FLYWCH2: variants seen among roughly 807,000 people sequenced by gnomAD.
FLYWCH2 encodes the protein FLYWCH family member 2.
Under a neutral mutation model 6.0 loss-of-function variants are expected in FLYWCH2, and 2 were observed. The observed-to-expected ratio is 0.33, with a 90% CI of 0.14 to 1.04. FLYWCH2 has a LOEUF of 1.04. Among genes scored for constraint, FLYWCH2 ranks in the 50% least tolerant of loss-of-function variants. The probability of loss-of-function intolerance (pLI) is 0.45; values close to 1 mark genes in which losing one functional copy is unlikely to be tolerated. For synonymous variants in FLYWCH2, 87 were observed against 79.3 expected, an observed-to-expected ratio of 1.10 and a Z score of -0.52; for missense variants, 192 against 183.4, an observed-to-expected ratio of 1.05 and a Z score of -0.27.
intron 3 of FLYWCH2, 187 bp from the exon 4 acceptor site, chr16:2,898,862 T>G: frequency 2.1e-6 from 1 of 476,784 alleles, no homozygotes; most frequent in East Asian, 3.5e-5. Flanking sequence ...GCAGCTTTTG[T>G]GGCCCTGGCC....
At chr16:2,892,087 G>C (rs1403782789) in intron 1 of FLYWCH2, among the ~76,000 whole-genome samples, 2 of 151,952 alleles carry the variant, frequency 1.3e-5, no homozygotes, top group Non-Finnish European at 2.9e-5. Context: ...AGCTACTCGG[G>C]AGGCTGAGGC....
At position 2,899,268 on chromosome 16, in the gene FLYWCH2, C is replaced by CTTTTTT. The variant is rs76446842; in HGVS notation, c.*131_*136dup. 6 of 424,894 alleles carry CTTTTTT rather than the reference C, an allele frequency of 1.4e-5. No homozygotes were observed. Among genetic ancestry groups the CTTTTTT allele is most frequent in the African/African-American group, 2.3e-5 (1 of 44,150 alleles). The allele number at this position is 424,894 out of a possible 1,614,324, so 26.3% of individuals were successfully genotyped here. ...CTTTTAACATTGTGTGATTTCTTTT[C>CTTTTTT]TTTTTTTTTTTTTTTTTAGATCAAG... is the stretch of plus-strand genomic sequence containing the variant. On this transcript the variant is annotated 3_prime_UTR_variant, in exon 4 of 4. Transcript: ENST00000396958.
intron 1 of FLYWCH2, among the ~76,000 whole-genome samples, chr16:2,888,593 C>G (rs1246597842): frequency 1.3e-5 from 2 of 151,142 alleles, no homozygotes; most frequent in African/African-American, 4.9e-5. Context: ...CATGGGATGT[C>G]TTTCCATTTG....
intron 1 of FLYWCH2, among the ~76,000 whole-genome samples, chr16:2,891,290 G>A (rs191531822): frequency 1.3e-5 from 2 of 152,300 alleles, no homozygotes; most frequent in Admixed American, 6.5e-5. Flanking sequence ...TTTTTTTCCT[G>A]ACTCAGGTCC....
chr16:2,892,636 C>T (rs1254257037), intron 1 of FLYWCH2, among the ~76,000 whole-genome samples: 1 of 151,576 alleles, frequency 6.6e-6, no homozygotes, highest in Non-Finnish European at 1.5e-5. Flanking sequence ...ACGAGGTCAA[C>T]AGATCGAGAC....
intron 3 of FLYWCH2, among the ~76,000 whole-genome samples, chr16:2,897,357 G>A (rs1054227260): frequency 1.4e-4 from 21 of 152,154 alleles, no homozygotes; most frequent in Admixed American, 3.3e-4. Context: ...CCAAGCCTCC[G>A]GGGAGATACA....
intron 1 of FLYWCH2, among the ~76,000 whole-genome samples, chr16:2,893,672 C>G (rs1399986651): frequency 1.8e-4 from 23 of 128,872 alleles, no homozygotes; most frequent in African/African-American, 6.4e-4. Context: ...GATTCTCGCT[C>G]TGTCGCCCAG....
intron 2 of FLYWCH2, among the ~76,000 whole-genome samples, chr16:2,895,580 A>G (rs111639800): frequency 0.1 from 15,865 of 152,300 alleles, 928 homozygotes; most frequent in African/African-American, 0.15. Context: ...GTGCCACTGC[A>G]CTCCAGCCTG....
rs1480098853 is a variant in FLYWCH2, at chr16:2,896,701, C to T, written c.252C>T (p.His84=). The change falls in exon 3 of 4, where the codon CAC becomes CAT. Residue 84 remains histidine, a synonymous_variant. Coordinates refer to ENST00000396958, the MANE Select transcript of FLYWCH2 (RefSeq NM_138439.3). ...TTGCCAAGGCCCTCCTCCAGACCCACCCCGAGGCCCAGCGGGCCATTGAGG... is the reference window on the plus strand; with the variant it reads ...TTGCCAAGGCCCTCCTCCAGACCCATCCCGAGGCCCAGCGGGCCATTGAGG... The part of the protein sequence containing the change: ...ATLAKALLQT[H]PEAQRAIEAA... 2 of 1,612,876 alleles carry T rather than the reference C, an allele frequency of 1.2e-6. No homozygotes were observed. The highest frequency in any genetic ancestry group is 2.2e-5 in the East Asian group (1 of 44,854).
At chr16:2,898,990 C>A in intron 3 of FLYWCH2, 59 bp from the exon 4 acceptor site, 1 of 1,422,740 alleles carries the variant, frequency 7.0e-7, no homozygotes, top group Non-Finnish European at 9.7e-7. Context: ...CCCCCAACAG[C>A]CAAGCTGAGC....
intron 3 of FLYWCH2, among the ~76,000 whole-genome samples, chr16:2,898,571 C>T (rs1164257536): frequency 6.6e-6 from 1 of 152,218 alleles, no homozygotes; most frequent in Admixed American, 6.5e-5. Flanking sequence ...AAGGTCCTCC[C>T]AGCCCCTTTG....
intron 3 of FLYWCH2, 139 bp downstream of exon 3, chr16:2,896,910 G>T: frequency 1.2e-6 from 1 of 833,704 alleles, no homozygotes; most frequent in Non-Finnish European, 1.8e-6. Context: ...GAGAGCAGTG[G>T]CACAGGGGTT....
At chr16:2,886,945 G>T (rs552672485) in intron 1 of FLYWCH2, among the ~76,000 whole-genome samples, 1 of 151,976 alleles carries the variant, frequency 6.6e-6, no homozygotes, top group Admixed American at 6.6e-5. Context: ...CATTCTATGG[G>T]TTATCTCTTA....
intron 1 of FLYWCH2, among the ~76,000 whole-genome samples, chr16:2,890,399 A>G: frequency 6.9e-6 from 1 of 144,716 alleles, no homozygotes. Context: ...CTAGGTGCAC[A>G]GCACCATGCC....
Position 2,899,187 on chromosome 16 carries a change from A to G in FLYWCH2, c.*38A>G. ...GCGCATCCTCCCAGGCCACCAACCC[A>G]GCCATAGGCTCTTCTCTGTCCGCAG... On this transcript the variant is annotated 3_prime_UTR_variant, in exon 4 of 4. Transcript: ENST00000396958. 4 of 1,519,304 alleles carry G rather than the reference A, an allele frequency of 2.6e-6. No individual in the cohort carries two copies. The highest frequency in any genetic ancestry group is 3.6e-6 in the Non-Finnish European group (4 of 1,104,336). The allele number at this position is 1,519,304 out of a possible 1,614,324, so 94.1% of individuals were successfully genotyped here. A position where few individuals can be genotyped will look rare whatever the true frequency, so the allele number is the denominator to read the frequency against.
At chr16:2,896,228 C>T (rs776756691) in intron 2 of FLYWCH2, 124 bp from the exon 3 acceptor site, 93 of 568,614 alleles carry the variant, frequency 1.6e-4, no homozygotes, top group Non-Finnish European at 2.4e-4. Context: ...TCCATCAGGC[C>T]CCCTGTCAGT....
At chr16:2,895,428 C>T (rs111540699) in intron 2 of FLYWCH2, 108 bp downstream of exon 2, 14,826 of 152,302 alleles carry the variant, frequency 0.097, 799 homozygotes, top group African/African-American at 0.12. Flanking sequence ...AGATCGAGAC[C>T]ACGGTGAAAC....
In FLYWCH2 at chr16:2,893,003, AT is replaced by A. The variant is rs542637792; in HGVS notation, c.-199-2213del. 9.7e-3 allele frequency among the ~76,000 whole-genome samples: 1,161 copies of A among 119,420 alleles called. 18 individuals are homozygous for A. The highest frequency in any genetic ancestry group is 0.041 in the African/African-American group (1,092 of 26,960). 78.3% of individuals were successfully genotyped at this position (119,420 alleles called of 152,430 possible). A position where few individuals can be genotyped will look rare whatever the true frequency, so the allele number is the denominator to read the frequency against. ...TTATATATGTCACATATATACATATATTTTATTTATATATATACACACACAC... is the reference window on the plus strand; with the variant it reads ...TTATATATGTCACATATATACATATATTTATTTATATATATACACACACAC... On this transcript the variant is annotated intron_variant, in intron 1 of 3. Transcript: ENST00000396958.
Position 2,895,270 on chromosome 16 carries a change from A to G in FLYWCH2, c.-149A>G, listed in dbSNP as rs953675224. ...ACGGTGGGATCCACAACATCTCCAC[A>G]TCGCTGTCCCCACCCAGCCAGGGCA... On this transcript the variant is annotated 5_prime_UTR_variant, in exon 2 of 4. Coordinates refer to ENST00000396958, the MANE Select transcript of FLYWCH2 (RefSeq NM_138439.3). 3 of 152,386 alleles carry G rather than the reference A, an allele frequency of 2.0e-5. No homozygotes were observed. Among genetic ancestry groups the G allele is most frequent in the African/African-American group, 7.2e-5 (3 of 41,454 alleles). The allele number at this position is 152,386 out of a possible 1,614,324, so 9.4% of individuals were successfully genotyped here. A position where few individuals can be genotyped will look rare whatever the true frequency, so the allele number is the denominator to read the frequency against.
Sources: gnomAD v4.1 joint callset for allele counts (sites outside exome capture counted in the v4.1 genomes callset) on GRCh38, gnomAD v4.1.1 for gene constraint, MANE v1.5 for transcripts, NCBI Gene and HGNC (gene_info 2026-07-23, HGNC 2026-07-21) for gene names.